The following RFX3 variants were observed in gnomAD, a reference collection of about 807,000 sequenced individuals.
RFX3 encodes transcription factor RFX3.
Under a neutral mutation model 98.6 loss-of-function variants are expected in RFX3, and 14 were observed. The ratio of observed to expected loss-of-function variants is 0.14; its 90% CI spans 0.09 to 0.22. The LOEUF (loss-of-function observed/expected upper bound fraction) is 0.22. Among genes scored for constraint, RFX3 ranks in the 10% least tolerant of loss-of-function variants. The pLI, the probability that RFX3 is intolerant of heterozygous loss-of-function variation, is 1.00. For synonymous variants in RFX3, 383 were observed against 328.4 expected, an observed-to-expected ratio of 1.17 and a Z score of -1.80; for missense variants, 639 against 926.9, an observed-to-expected ratio of 0.69 and a Z score of 4.03.
chr9:3,411,105 AT>A (rs991476801), intron 1 of RFX3, among the ~76,000 whole-genome samples: 2 of 152,206 alleles, frequency 1.3e-5, no homozygotes, highest in African/African-American at 4.8e-5. Flanking sequence ...ATTACTTCTC[AT>A]GATCCATGGA....
At chr9:3,406,071 C>G (rs1841944228) in intron 1 of RFX3, among the ~76,000 whole-genome samples, 1 of 152,154 alleles carries the variant, frequency 6.6e-6, no homozygotes, top group Non-Finnish European at 1.5e-5. Context: ...ATCCTCCCAT[C>G]TCAGCCTCCT....
At chr9:3,318,026 G>A (rs147450520) in intron 4 of RFX3, among the ~76,000 whole-genome samples, 35,582 of 152,036 alleles carry the variant, frequency 0.23, 6,358 homozygotes, top group African/African-American at 0.51. Context: ...TACTGGGTAC[G>A]TACCCAAAGG....
intron 1 of RFX3, chr9:3,524,609 C>G (rs1395777760): frequency 2.0e-6 from 2 of 983,052 alleles, no homozygotes; most frequent in Non-Finnish European, 2.4e-6. Flanking sequence ...ACACTGTGAA[C>G]TGAGTTCTCA....
chr9:3,403,192 A>C (rs1382648113), intron 1 of RFX3, among the ~76,000 whole-genome samples: 1 of 152,056 alleles, frequency 6.6e-6, no homozygotes, highest in Non-Finnish European at 1.5e-5. Context: ...AAATGAAAAA[A>C]CTAGTTAAGC....
chr9:3,292,935 C>T, intron 6 of RFX3, 142 bp downstream of exon 6: 1 of 576,980 alleles, frequency 1.7e-6, no homozygotes, highest in Non-Finnish European at 2.8e-6. Flanking sequence ...TTTCCTTTTC[C>T]TGGGGATGTT....
intron 2 of RFX3, among the ~76,000 whole-genome samples, chr9:3,354,536 A>G (rs1267662603): frequency 6.6e-6 from 1 of 151,970 alleles, no homozygotes; most frequent in Non-Finnish European, 1.5e-5. Flanking sequence ...CTCAGTGAAA[A>G]ATAATGCAAG....
At chr9:3,513,582 C>T (rs1817849107) in intron 1 of RFX3, among the ~76,000 whole-genome samples, 2 of 152,150 alleles carry the variant, frequency 1.3e-5, no homozygotes, top group African/African-American at 4.8e-5. Flanking sequence ...TAACAAAACA[C>T]ATTTTAATAG....
rs922609281 is a variant in RFX3, at chr9:3,222,129, A to G, written c.*2913T>C. 1 of 152,184 alleles carries G rather than the reference A, an allele frequency of 6.6e-6. No individual in the cohort carries two copies. Among genetic ancestry groups the G allele is most frequent in the Non-Finnish European group, 1.5e-5 (1 of 67,988 alleles). The allele number at this position is 152,184 out of a possible 1,614,324, so 9.4% of individuals were successfully genotyped here. On this transcript the variant is annotated 3_prime_UTR_variant, in exon 17 of 17. Coordinates refer to ENST00000617270, the MANE Select transcript of RFX3 (RefSeq NM_001282116.2). ...TTTATTTTCTTATATATTTTTCACA[A>G]TTCAAATTCGAAATTGATGAAAATG...
At chr9:3,227,382 T>A (rs556226660) in intron 16 of RFX3, among the ~76,000 whole-genome samples, 1 of 152,204 alleles carries the variant, frequency 6.6e-6, no homozygotes, top group Non-Finnish European at 1.5e-5. Flanking sequence ...AAGCAACTTA[T>A]AAAAGCAAGC....
intron 1 of RFX3, among the ~76,000 whole-genome samples, chr9:3,492,572 T>C (rs1382857757): frequency 2.0e-5 from 3 of 152,178 alleles, no homozygotes; most frequent in Non-Finnish European, 2.9e-5. Flanking sequence ...GATTCAGGCA[T>C]ACTCAACTCT....
intron 1 of RFX3, among the ~76,000 whole-genome samples, chr9:3,482,996 C>T (rs1160818783): frequency 6.6e-6 from 1 of 152,148 alleles, no homozygotes; most frequent in Admixed American, 6.6e-5. Flanking sequence ...TGAGTTTAGC[C>T]ATTGTACCAA....
chr9:3,380,135 C>G (rs1839023863), intron 2 of RFX3, among the ~76,000 whole-genome samples: 1 of 152,074 alleles, frequency 6.6e-6, no homozygotes, highest in African/African-American at 2.4e-5. Flanking sequence ...CCATGTTGGT[C>G]AGGCTGGTCT....
chr9:3,366,711 T>TTTCTTTCTTTCTTTC lies in RFX3; in HGVS notation c.118-19962_118-19948dup, dbSNP rs1554681337. 6.0e-5 allele frequency among the ~76,000 whole-genome samples: 8 copies of TTTCTTTCTTTCTTTC among 134,444 alleles called. No individual in the cohort carries two copies. The East Asian group carries it at 1.9e-3, about 32-fold the overall frequency. The allele number at this position is 134,444 out of a possible 152,430, so 88.2% of individuals were successfully genotyped here. A position where few individuals can be genotyped will look rare whatever the true frequency, so the allele number is the denominator to read the frequency against. ...TTTCTTTCCTTTCTTTCTTTCTTTCTTTCTTTCTTTCTTTCTTTCTTTCTT... is the reference window on the plus strand; with the variant it reads ...TTTCTTTCCTTTCTTTCTTTCTTTCTTTCTTTCTTTCTTTCTTCTTTCTTTCTTTCTTTCTTTCTT... On this transcript the variant is annotated intron_variant, in intron 2 of 16. Coordinates refer to ENST00000617270, the MANE Select transcript of RFX3 (RefSeq NM_001282116.2).
intron 10 of RFX3, 150 bp downstream of exon 10, chr9:3,270,853 T>C (rs1824337261): frequency 1.8e-6 from 2 of 1,087,666 alleles, no homozygotes; most frequent in South Asian, 3.0e-5. Context: ...AAGAGAGCAG[T>C]TCATGGTTTA....
At chr9:3,336,487 C>A (rs1833194187) in intron 3 of RFX3, among the ~76,000 whole-genome samples, 1 of 151,688 alleles carries the variant, frequency 6.6e-6, no homozygotes, top group Non-Finnish European at 1.5e-5. Flanking sequence ...TCCCTGAAAG[C>A]CAGATTTTTT....
At chr9:3,491,391 C>G (rs1850706295) in intron 1 of RFX3, among the ~76,000 whole-genome samples, 1 of 152,122 alleles carries the variant, frequency 6.6e-6, no homozygotes, top group African/African-American at 2.4e-5. Flanking sequence ...ACTTTACTCT[C>G]AGTATATTTT....
intron 1 of RFX3, among the ~76,000 whole-genome samples, chr9:3,473,291 G>C (rs1848945348): frequency 6.6e-6 from 1 of 152,068 alleles, no homozygotes; most frequent in Non-Finnish European, 1.5e-5. Flanking sequence ...TTTCCCCTTT[G>C]GTGTCATAAT....
At chr9:3,362,637 A>T (rs1169234471) in intron 2 of RFX3, among the ~76,000 whole-genome samples, 1 of 152,244 alleles carries the variant, frequency 6.6e-6, no homozygotes, top group Admixed American at 6.5e-5. Context: ...TGAGGACAGC[A>T]TAAGTGTAAT....
chr9:3,251,837 C>G (rs1164517850), intron 14 of RFX3, among the ~76,000 whole-genome samples: 2 of 151,848 alleles, frequency 1.3e-5, no homozygotes, highest in Non-Finnish European at 2.9e-5. Context: ...TTAGGCCTTT[C>G]TATTTCTCTT....
Sources: gnomAD v4.1 joint callset for allele counts (sites outside exome capture counted in the v4.1 genomes callset) on GRCh38, gnomAD v4.1.1 for gene constraint, MANE v1.5 for transcripts, NCBI Gene and HGNC (gene_info 2026-07-23, HGNC 2026-07-21) for gene names.